The following PIGX variants were observed in gnomAD, a reference collection of about 807,000 sequenced individuals.
PIGX encodes GPI alpha-1,4-mannosyltransferase I, stabilizing subunit.
A neutral mutation model predicts 28.7 loss-of-function variants in PIGX; 24 were observed. The observed-to-expected ratio is 0.84, with a 90% CI of 0.60 to 1.17. PIGX has a LOEUF of 1.17. Ranked by LOEUF, PIGX falls within the 50% of genes most tolerant of loss-of-function variation. The pLI, the probability that PIGX is intolerant of heterozygous loss-of-function variation, is 0.00. For synonymous variants in PIGX, 127 were observed against 121.0 expected, an observed-to-expected ratio of 1.05 and a Z score of -0.33; for missense variants, 305 against 317.8, an observed-to-expected ratio of 0.96 and a Z score of 0.31.
intron 4 of PIGX, among the ~76,000 whole-genome samples, chr3:196,730,403 T>C (rs1712699792): frequency 6.6e-6 from 1 of 152,112 alleles, no homozygotes; most frequent in African/African-American, 2.4e-5. Flanking sequence ...AAAATAAGTT[T>C]ACATTAAATT....
intron 4 of PIGX, chr3:196,728,730 G>A (rs1201381673): frequency 1.3e-6 from 1 of 766,366 alleles, no homozygotes. Flanking sequence ...TCAGATTCCG[G>A]TTTGATTCCT....
chr3:196,721,282 G>T, intron 2 of PIGX: 1 of 268,820 alleles, frequency 3.7e-6, no homozygotes, highest in South Asian at 3.6e-5. Flanking sequence ...TTCAGTGTGG[G>T]TAGTTTCTGT....
chr3:196,717,226 G>A (rs746690029), intron 2 of PIGX, among the ~76,000 whole-genome samples: 12 of 149,372 alleles, frequency 8.0e-5, no homozygotes, highest in East Asian at 2.0e-4. Context: ...ACTTGAACCC[G>A]GGAGGTGGAG....
intron 4 of PIGX, among the ~76,000 whole-genome samples, chr3:196,729,412 A>ATTTT (rs879905465): frequency 2.8e-5 from 4 of 140,864 alleles, no homozygotes; most frequent in African/African-American, 1.1e-4. Flanking sequence ...TTTCTTTCTT[A>ATTTT]TTTTTTTTTT....
At chr3:196,720,476 T>G (rs969833716) in intron 2 of PIGX, among the ~76,000 whole-genome samples, 3 of 152,242 alleles carry the variant, frequency 2.0e-5, no homozygotes, top group Admixed American at 6.5e-5. Flanking sequence ...CTCCTGCCTT[T>G]TGGCTGTTGC....
intron 5 of PIGX, among the ~76,000 whole-genome samples, chr3:196,732,271 A>G (rs1479026640): frequency 4.1e-5 from 1 of 24,524 alleles, no homozygotes; most frequent in African/African-American, 2.0e-4. Flanking sequence ...ATTTTATTTT[A>G]TTTTTTTTTT....
At chr3:196,730,889 G>A (rs940372772) in intron 4 of PIGX, 103 bp from the exon 5 acceptor site, 4 of 574,566 alleles carry the variant, frequency 7.0e-6, no homozygotes, top group Admixed American at 5.7e-5. Flanking sequence ...TATACATAAT[G>A]TATTAAAATG....
chr3:196,732,254 A>ATATATATT (rs1712822744), intron 5 of PIGX, among the ~76,000 whole-genome samples: 1 of 23,862 alleles, frequency 4.2e-5, no homozygotes, highest in Non-Finnish European at 8.2e-5. Flanking sequence ...ATATATATAT[A>ATATATATT]TATTTTATTT....
At position 196,727,975 on chromosome 3, in the gene PIGX, A is replaced by G. The variant is rs1301623030; in HGVS notation, c.371A>G (p.Lys124Arg). The G allele has an allele frequency of 3.7e-6, 6 of 1,614,142 alleles. No homozygotes were observed. Among genetic ancestry groups the G allele is most frequent in the Non-Finnish European group, 5.1e-6 (6 of 1,179,954 alleles). Residue 124 changes from lysine (K) to arginine (R), a missense_variant, in exon 4 of 6, where the codon AAG becomes AGG. Transcript: ENST00000392391. ...ATAGAGGCCCCTAACTATTTGTCCA[A>G]GGAGTCTGAAGTTCTCATTTATGCC...
chr3:196,723,610 T>C (rs1453696581), intron 3 of PIGX, among the ~76,000 whole-genome samples: 2 of 141,592 alleles, frequency 1.4e-5, no homozygotes, highest in East Asian at 2.2e-4. Flanking sequence ...AGAACCCAGA[T>C]GATTTCTTTT....
chr3:196,720,218 T>A (rs1050032681), intron 2 of PIGX, among the ~76,000 whole-genome samples: 3 of 152,230 alleles, frequency 2.0e-5, no homozygotes, highest in African/African-American at 7.2e-5. Flanking sequence ...TAACTACTCA[T>A]TCCTCCTCCT....
intron 1 of PIGX, among the ~76,000 whole-genome samples, chr3:196,715,301 G>T (rs555098485): frequency 6.6e-6 from 1 of 152,222 alleles, no homozygotes; most frequent in Non-Finnish European, 1.5e-5. Flanking sequence ...TTTTAGTGTT[G>T]AAAGTGGAAG....
At chr3:196,717,487 A>G (rs73089248) in intron 2 of PIGX, among the ~76,000 whole-genome samples, 4,683 of 152,148 alleles carry the variant, frequency 0.031, 164 homozygotes, top group Admixed American at 0.096. Flanking sequence ...CCCTGAGGAC[A>G]CCAAAGTCCT....
rs1303120963 is a variant in PIGX, at chr3:196,733,433, CAG to C, written c.634-323_634-322del. Among the ~76,000 whole-genome samples the C allele has an allele frequency of 2.0e-5, 3 of 151,928 alleles. No homozygotes were observed. The highest frequency in any genetic ancestry group is 7.3e-5 in the African/African-American group (3 of 41,344). On this transcript the variant is annotated intron_variant, in intron 5 of 5. Coordinates refer to ENST00000392391, the MANE Select transcript of PIGX (RefSeq NM_017861.4). This position sits in a 1 kb window ranked among gnomAD's most constrained non-coding sequence, Gnocchi z 4.3. ...TATTTATTTATTTATTTATTTGAGA[CAG>C]AGTCTTCCTCTGTCTCCCAGGCTGG...
At chr3:196,722,379 A>G (rs1466009360) in intron 2 of PIGX, 36 bp from the exon 3 acceptor site, 1 of 1,511,268 alleles carries the variant, frequency 6.6e-7, no homozygotes, top group Non-Finnish European at 9.1e-7. Flanking sequence ...TAACAGTTGA[A>G]TGAAGAGATT....
Position 196,733,737 on chromosome 3 carries a change from A to G in PIGX, c.634-22A>G. On this transcript the variant is annotated intron_variant, in intron 5 of 5. Coordinates refer to ENST00000392391, the MANE Select transcript of PIGX (RefSeq NM_017861.4). This position sits in a 1 kb window ranked among gnomAD's most constrained non-coding sequence, Gnocchi z 4.3. ...CCATGACATGCATTTTCAATGTCTAACTTCTCTCTCTCTCTCCATAGGTAT... is the reference window on the plus strand; with the variant it reads ...CCATGACATGCATTTTCAATGTCTAGCTTCTCTCTCTCTCTCCATAGGTAT... The G allele has an allele frequency of 6.4e-7, 1 of 1,565,302 alleles. No homozygotes were observed. Among genetic ancestry groups the G allele is most frequent in the Non-Finnish European group, 8.8e-7 (1 of 1,137,284 alleles).
rs547370958 is a variant in PIGX at position 196,728,069 on chromosome 3, G to T, written c.465G>T (p.Pro155=). ...CTGTGCACTGCCGCTATCATCGGCC[G>T]CACAGTGAAGATGGAGAAGCCTCGA... Residue 155 remains proline (P), a synonymous_variant, in exon 4 of 6, where the codon CCG becomes CCT. Coordinates refer to ENST00000392391, the MANE Select transcript of PIGX (RefSeq NM_017861.4). 4 of 1,614,064 alleles carry T rather than the reference G, an allele frequency of 2.5e-6. No homozygotes were observed. The highest frequency in any genetic ancestry group is 3.4e-6 in the Non-Finnish European group (4 of 1,179,978).
In PIGX at chr3:196,734,597, T is replaced by C. The variant is rs1712936923; in HGVS notation, c.*695T>C. 2 of 152,206 alleles carry C rather than the reference T, an allele frequency of 1.3e-5. No homozygotes were observed. Among genetic ancestry groups the C allele is most frequent in the South Asian group, 4.1e-4 (2 of 4,828 alleles). The allele number at this position is 152,206 out of a possible 1,614,324, so 9.4% of individuals were successfully genotyped here. ...AACAAAAAAGAAGAATAAAATAATTTGGATGAAAATCATGTTTATTTAAAT... is the reference window on the plus strand; with the variant it reads ...AACAAAAAAGAAGAATAAAATAATTCGGATGAAAATCATGTTTATTTAAAT... On this transcript the variant is annotated 3_prime_UTR_variant, in exon 6 of 6. Transcript: ENST00000392391.
intron 4 of PIGX, chr3:196,728,389 CAACT>C: frequency 1.7e-6 from 1 of 587,970 alleles, no homozygotes; most frequent in Non-Finnish European, 3.0e-6. Context: ...TGCGCTGCCC[CAACT>C]GTCATCTCCT....
Sources: gnomAD v4.1 joint callset for allele counts (sites outside exome capture counted in the v4.1 genomes callset) on GRCh38, gnomAD v4.1.1 for gene constraint, Gnocchi (gnomAD v3.1) non-coding constraint, MANE v1.5 for transcripts, NCBI Gene and HGNC (gene_info 2026-07-23, HGNC 2026-07-21) for gene names.